Variants in RBFOX1 observed in about 807,000 individuals in gnomAD.
RBFOX1 encodes the protein RNA binding fox-1 homolog 1, also known as RNA binding protein fox-1 homolog 1.
In RBFOX1, 8 loss-of-function variants were observed where a neutral mutation model predicts 57.7. The observed-to-expected ratio is 0.14, with a 90% confidence interval of 0.08 to 0.25. The LOEUF is 0.25. Among genes scored for constraint, RBFOX1 ranks in the 10% least tolerant of loss-of-function variants. The pLI, the probability that RBFOX1 is intolerant of heterozygous loss-of-function variation, is 1.00. For missense variants in RBFOX1, 611 were observed against 548.5 expected (o/e 1.11, Z -1.14); for synonymous variants, 326 against 222.4 (o/e 1.47, Z -4.15).
intron 1 of RBFOX1, among the ~76,000 whole-genome samples, chr16:6,314,958 G>C (rs1250172798): frequency 6.6e-6 from 1 of 152,234 alleles, no homozygotes; most frequent in East Asian, 1.9e-4. Flanking sequence ...TTCCTTGATG[G>C]AGCCTTCCCC....
At chr16:5,422,036 C>G (rs770401335) in intron 1 of RBFOX1, among the ~76,000 whole-genome samples, 2 of 152,226 alleles carry the variant, frequency 1.3e-5, no homozygotes, top group African/African-American at 2.4e-5. Context: ...AAAGCAATTA[C>G]GCAGTACCTG....
At chr16:7,109,336 C>G (rs1290950612) in intron 4 of RBFOX1, among the ~76,000 whole-genome samples, 3 of 152,114 alleles carry the variant, frequency 2.0e-5, no homozygotes, top group East Asian at 1.9e-4. Flanking sequence ...AGAAAATGAA[C>G]AAATCCCTGC....
chr16:7,704,062 G>C (rs747299316), intron 14 of RBFOX1, among the ~76,000 whole-genome samples: 2 of 152,164 alleles, frequency 1.3e-5, no homozygotes, highest in Admixed American at 1.3e-4. Context: ...GGCTCAGTCA[G>C]AAAACTACTG....
intron 3 of RBFOX1, among the ~76,000 whole-genome samples, chr16:6,995,786 A>C (rs2092162456): frequency 6.6e-6 from 1 of 152,082 alleles, no homozygotes; most frequent in Admixed American, 6.5e-5. Context: ...AAAAACAAAA[A>C]AAGGGAAAGG....
chr16:5,526,236 T>G (rs1280822921), intron 2 of RBFOX1, among the ~76,000 whole-genome samples: 2 of 152,114 alleles, frequency 1.3e-5, no homozygotes, highest in Non-Finnish European at 2.9e-5. Context: ...TTCCAAGATC[T>G]TTCATGCCCT....
chr16:6,479,647 A>G (rs1327892540), intron 2 of RBFOX1, among the ~76,000 whole-genome samples: 2 of 152,098 alleles, frequency 1.3e-5, no homozygotes, highest in Non-Finnish European at 2.9e-5. Context: ...CTCACCCACT[A>G]TCATGAGAAC....
intron 2 of RBFOX1, among the ~76,000 whole-genome samples, chr16:5,534,125 G>A (rs1365474742): frequency 1.3e-5 from 2 of 152,154 alleles, no homozygotes; most frequent in Non-Finnish European, 2.9e-5. Flanking sequence ...TTCACAGTCT[G>A]ATTCACTGAG....
At chr16:6,577,841 G>A (rs138819954) in intron 2 of RBFOX1, among the ~76,000 whole-genome samples, 1 of 152,310 alleles carries the variant, frequency 6.6e-6, no homozygotes, top group East Asian at 1.9e-4. Context: ...ACCAGATAGT[G>A]AAGCAGGAAG....
At chr16:7,122,364 G>C (rs2067377104) in intron 4 of RBFOX1, among the ~76,000 whole-genome samples, 2 of 152,046 alleles carry the variant, frequency 1.3e-5, no homozygotes, top group Non-Finnish European at 1.5e-5. Context: ...TTCACTTAGA[G>C]TATATTCATA....
intron 2 of RBFOX1, among the ~76,000 whole-genome samples, chr16:6,643,200 A>G (rs146340392): frequency 5.3e-5 from 8 of 152,330 alleles, no homozygotes; most frequent in African/African-American, 1.9e-4. Context: ...TAAAAAGTTT[A>G]CGGACCTGAT....
chr16:6,505,068 G>C (rs142699823), intron 2 of RBFOX1, among the ~76,000 whole-genome samples: 9 of 152,042 alleles, frequency 5.9e-5, no homozygotes, highest in Non-Finnish European at 8.8e-5. Flanking sequence ...GTGACACTCC[G>C]TCTCAATAAA....
chr16:5,568,488 C>G (rs58281778), intron 2 of RBFOX1, among the ~76,000 whole-genome samples: 7,535 of 152,168 alleles, frequency 0.05, 631 homozygotes, highest in African/African-American at 0.17. Context: ...CAGTGTTCGT[C>G]AAGATGGAGC....
At chr16:7,687,764 A>G (rs1443014245) in intron 14 of RBFOX1, among the ~76,000 whole-genome samples, 1 of 152,058 alleles carries the variant, frequency 6.6e-6, no homozygotes, top group Non-Finnish European at 1.5e-5. Flanking sequence ...TTAAGTATAA[A>G]ATGTTAAAAA....
chr16:7,392,251 C>G (rs1597286788), intron 4 of RBFOX1, among the ~76,000 whole-genome samples: 1 of 152,170 alleles, frequency 6.6e-6, no homozygotes, highest in Non-Finnish European at 1.5e-5. Flanking sequence ...CCTGAATCCT[C>G]TAGGTTGGAC....
intron 4 of RBFOX1, among the ~76,000 whole-genome samples, chr16:5,957,265 A>G (rs1567190547): frequency 6.6e-6 from 1 of 151,926 alleles, no homozygotes; most frequent in Non-Finnish European, 1.5e-5. Flanking sequence ...CCCAGGCTGG[A>G]GTGCAGTGGC....
intron 1 of RBFOX1, among the ~76,000 whole-genome samples, chr16:5,268,958 A>T (rs544799784): frequency 1.3e-4 from 19 of 150,256 alleles, no homozygotes; most frequent in Admixed American, 1.1e-3. Flanking sequence ...TCTGTCGCCC[A>T]GGCTAGAGTG....
At chr16:5,360,986 A>G (rs544717104) in intron 1 of RBFOX1, among the ~76,000 whole-genome samples, 2 of 152,246 alleles carry the variant, frequency 1.3e-5, no homozygotes, top group African/African-American at 4.8e-5. Context: ...TGATAACCAT[A>G]CCAAGGCTGC....
chr16:6,115,438 A>G (rs1174289974), intron 1 of RBFOX1, among the ~76,000 whole-genome samples: 2 of 152,162 alleles, frequency 1.3e-5, no homozygotes, highest in African/African-American at 4.8e-5. Context: ...AGCCATATGC[A>G]GTAGTGAGGA....
chr16:7,491,703 TC>T (rs2067034527), intron 4 of RBFOX1, among the ~76,000 whole-genome samples: 3 of 152,122 alleles, frequency 2.0e-5, no homozygotes, highest in Admixed American at 2.0e-4. Flanking sequence ...TGATTGTGGC[TC>T]ACAGCAGCCT....
Sources: allele counts gnomAD v4.1 joint callset (sites outside exome capture counted in the v4.1 genomes callset), GRCh38; gene constraint gnomAD v4.1.1; transcripts MANE v1.5; gene names NCBI Gene and HGNC (gene_info 2026-07-23, HGNC 2026-07-21).